The following ANKRD30A variants were observed in gnomAD, a reference collection of about 807,000 sequenced individuals.
The protein encoded by ANKRD30A is ankyrin repeat domain-containing protein 30A.
ANKRD30A carries 170 observed loss-of-function variants against 166.3 expected under a neutral mutation model. The observed-to-expected ratio is 1.02, with a 90% CI of 0.90 to 1.16. The LOEUF is 1.16. Ranked by LOEUF, ANKRD30A falls within the 50% of genes most tolerant of loss-of-function variation. The pLI, the probability that ANKRD30A is intolerant of heterozygous loss-of-function variation, is 0.00. For missense variants in ANKRD30A, 1,630 were observed against 1,518.0 expected (o/e 1.07, Z -1.23); for synonymous variants, 564 against 508.9 (o/e 1.11, Z -1.46).
intron 31 of ANKRD30A, among the ~76,000 whole-genome samples, chr10:37,204,797 C>G (rs894248346): frequency 1.1e-4 from 16 of 152,152 alleles, no homozygotes; most frequent in Non-Finnish European, 1.8e-4. Context: ...AGGATATGAA[C>G]AGACACTTCT....
intron 3 of ANKRD30A, among the ~76,000 whole-genome samples, chr10:37,131,549 A>T (rs192159877): frequency 2.0e-5 from 3 of 152,312 alleles, no homozygotes; most frequent in African/African-American, 7.2e-5. Context: ...CCCATGTAGA[A>T]CAGGAGTGCC....
rs547327078 is a variant in ANKRD30A, at chr10:37,155,127, ATTG to A, written c.1798+1471_1798+1473del. ...CTGAATTTATGACTTGAATACTTAA[ATTG>A]TTGTTATTCATAGGTATTTTACTGA... On this transcript the variant is annotated intron_variant, in intron 13 of 35. Coordinates refer to ENST00000361713, the MANE Select transcript of ANKRD30A (RefSeq NM_052997.3). Among the ~76,000 whole-genome samples the A allele has an allele frequency of 1.2e-4, 18 of 152,292 alleles. 1 individual carries two copies. The South Asian group carries it at 3.7e-3, about 32-fold the overall frequency.
intron 31 of ANKRD30A, among the ~76,000 whole-genome samples, chr10:37,212,547 G>GC (rs1282300729): frequency 1.3e-5 from 2 of 151,990 alleles, no homozygotes; most frequent in Non-Finnish European, 2.9e-5. Context: ...CCAAAAAAGA[G>GC]CCCGCATTGT....
chr10:37,226,627 G>A (rs1176666175), intron 34 of ANKRD30A, among the ~76,000 whole-genome samples: 1 of 151,708 alleles, frequency 6.6e-6, no homozygotes, highest in African/African-American at 2.4e-5. Flanking sequence ...TCCATTTTGG[G>A]CTAATATTAA....
In ANKRD30A at chr10:37,130,133, T is replaced by C. The variant is rs1836289625; in HGVS notation, c.337-72T>C. 9.5e-6 allele frequency: 11 copies of C among 1,153,912 alleles called. No individual in the cohort carries two copies. In the South Asian group the frequency reaches 3.2e-4, roughly 33 times the overall value. 71.5% of individuals were successfully genotyped at this position (1,153,912 alleles called of 1,614,324 possible). A position where few individuals can be genotyped will look rare whatever the true frequency, so the allele number is the denominator to read the frequency against. ...GTGGAATATTTATTTTGATTTCCTA[T>C]AATTTATAATTTATAATAATTTATA... On this transcript the variant is annotated intron_variant, in intron 2 of 35. Transcript: ENST00000361713.
intron 8 of ANKRD30A, among the ~76,000 whole-genome samples, chr10:37,146,973 C>T (rs555393691): frequency 1.5e-5 from 2 of 134,534 alleles, no homozygotes; most frequent in African/African-American, 5.5e-5. Flanking sequence ...ATATTTTTTC[C>T]ACCAGTCTGA....
At chr10:37,152,514 A>T (rs538004076) in intron 12 of ANKRD30A, among the ~76,000 whole-genome samples, 1 of 152,212 alleles carries the variant, frequency 6.6e-6, no homozygotes, top group South Asian at 2.1e-4. Context: ...AGACATTTTA[A>T]ACTGCAGTAT....
the ANKRD30A span, among the ~76,000 whole-genome samples, chr10:37,248,855 G>C: frequency 6.6e-6 from 1 of 152,122 alleles, no homozygotes; most frequent in Non-Finnish European, 1.5e-5. Flanking sequence ...TTCACAGCTG[G>C]AAGTGGCAGA....
intron 18 of ANKRD30A, among the ~76,000 whole-genome samples, chr10:37,165,453 G>T (rs1203457110): frequency 5.9e-5 from 9 of 152,202 alleles, no homozygotes; most frequent in Non-Finnish European, 1.2e-4. Flanking sequence ...AAAAGCAAAA[G>T]AATTACACTG....
Position 37,221,304 on chromosome 10 carries a change from A to G in ANKRD30A, c.4185+1407A>G, listed in dbSNP as rs180713975. 2.7e-3 allele frequency among the ~76,000 whole-genome samples: 407 copies of G among 151,414 alleles called. 1 individual carries two copies. The highest frequency in any genetic ancestry group is 5.6e-3 in the South Asian group (27 of 4,826). On this transcript the variant is annotated intron_variant, in intron 34 of 35. Coordinates refer to ENST00000361713, the MANE Select transcript of ANKRD30A (RefSeq NM_052997.3). Reference sequence around the variant, plus strand: ...TTTGATAAGATGATTTACAAAATCAATAACAAACATGTCTTGTCAGGTCAT... The same window carrying G: ...TTTGATAAGATGATTTACAAAATCAGTAACAAACATGTCTTGTCAGGTCAT...
chr10:37,235,160 A>G (rs1843616241), downstream of ANKRD30A, among the ~76,000 whole-genome samples: 1 of 152,212 alleles, frequency 6.6e-6, no homozygotes, highest in African/African-American at 2.4e-5. Context: ...TTATCTACTT[A>G]GCCAAATGCA....
intron 32 of ANKRD30A, among the ~76,000 whole-genome samples, chr10:37,216,915 A>G (rs1427696943): frequency 6.6e-6 from 1 of 151,068 alleles, no homozygotes; most frequent in African/African-American, 2.4e-5. Context: ...GATTTCTTTC[A>G]ATTATACACT....
the ANKRD30A span, among the ~76,000 whole-genome samples, chr10:37,250,856 T>C: frequency 6.6e-6 from 1 of 152,210 alleles, no homozygotes; most frequent in Non-Finnish European, 1.5e-5. Flanking sequence ...TATAGTATTT[T>C]GTTACAGTAG....
intron 27 of ANKRD30A, among the ~76,000 whole-genome samples, chr10:37,195,754 C>T (rs1380107937): frequency 1.3e-5 from 2 of 152,022 alleles, no homozygotes; most frequent in African/African-American, 2.4e-5. Flanking sequence ...ATTAGCCGGA[C>T]GTGGTGGCAC....
chr10:37,218,949 G>C, intron 33 of ANKRD30A, 31 bp from the exon 34 acceptor site: 1 of 1,399,508 alleles, frequency 7.1e-7, no homozygotes, highest in Middle Eastern at 1.8e-4. Context: ...TTTATTGAGT[G>C]CTAGCTAAAA....
chr10:37,162,588 C>A, intron 15 of ANKRD30A, 61 bp from the exon 16 acceptor site: 1 of 1,593,226 alleles, frequency 6.3e-7, no homozygotes, highest in Non-Finnish European at 8.6e-7. Flanking sequence ...TCACGGCATT[C>A]ATTTGTGGTT....
chr10:37,246,345 G>A, the ANKRD30A span, among the ~76,000 whole-genome samples: 2 of 152,084 alleles, frequency 1.3e-5, no homozygotes, highest in Admixed American at 6.5e-5. Context: ...GCATTTGTCC[G>A]ATAAACTGAA....
chr10:37,145,894 A>C (rs1374267387), intron 8 of ANKRD30A, among the ~76,000 whole-genome samples: 7 of 152,406 alleles, frequency 4.6e-5, no homozygotes, highest in Admixed American at 3.3e-4. Flanking sequence ...AAGAATAGGA[A>C]ACCAGTGGGA....
intron 31 of ANKRD30A, 39 bp from the exon 32 acceptor site, chr10:37,216,142 G>C: frequency 7.1e-7 from 1 of 1,417,122 alleles, no homozygotes; most frequent in African/African-American, 1.4e-5. Context: ...TATCCCAAAA[G>C]TACTAATATA....
Sources: allele counts gnomAD v4.1 joint callset (sites outside exome capture counted in the v4.1 genomes callset), GRCh38; gene constraint gnomAD v4.1.1; transcripts MANE v1.5; gene names NCBI Gene and HGNC (gene_info 2026-07-23, HGNC 2026-07-21).